The following SLC25A21 variants were observed in gnomAD, a reference collection of about 807,000 sequenced individuals.
SLC25A21 encodes the protein solute carrier family 25 member 21.
A neutral mutation model predicts 43.8 loss-of-function variants in SLC25A21; 47 were observed. That is an observed-to-expected ratio of 1.07 (90% CI 0.85 to 1.37). SLC25A21 has a LOEUF of 1.37. SLC25A21 is among the 40% of genes most tolerant of loss of function. SLC25A21 has a pLI of 0.00. For synonymous variants in SLC25A21, 131 were observed against 121.3 expected, an observed-to-expected ratio of 1.08 and a Z score of -0.52; for missense variants, 352 against 350.2, an observed-to-expected ratio of 1.00 and a Z score of -0.04.
rs757581881 is a variant in SLC25A21, at chr14:36,723,658, C to A, written c.438+1912G>T. Among the ~76,000 whole-genome samples, 7 of 152,324 alleles carry A rather than the reference C, an allele frequency of 4.6e-5. No homozygotes were observed. In the South Asian group the frequency reaches 1.5e-3, roughly 32 times the overall value. ...TGTTGGGCAGGAAGGGTGTTTATTG[C>A]ATTCTTGCAAGTCATTAGCACATAC... On this transcript the variant is annotated intron_variant, in intron 6 of 9. Transcript: ENST00000331299.
At chr14:36,838,205 G>A (rs1040964087) in intron 2 of SLC25A21, among the ~76,000 whole-genome samples, 6 of 152,282 alleles carry the variant, frequency 3.9e-5, no homozygotes, top group South Asian at 2.1e-4. Context: ...CTTTCTCCTC[G>A]GTGTGAGGAT....
At chr14:36,770,607 C>CATTTGTTG (rs1886584415) in intron 3 of SLC25A21, among the ~76,000 whole-genome samples, 1 of 152,088 alleles carries the variant, frequency 6.6e-6, no homozygotes, top group East Asian at 1.9e-4. Flanking sequence ...ATATACACAG[C>CATTTGTTG]ATTTGTTGTT....
chr14:37,020,359 C>A (rs1357891641), intron 1 of SLC25A21, among the ~76,000 whole-genome samples: 1 of 151,604 alleles, frequency 6.6e-6, no homozygotes, highest in Non-Finnish European at 1.5e-5. Flanking sequence ...AGCTTAATGA[C>A]TTGCAAAATA....
chr14:37,078,011 T>TA (rs1962314973), intron 1 of SLC25A21, among the ~76,000 whole-genome samples: 1 of 147,630 alleles, frequency 6.8e-6, no homozygotes, highest in South Asian at 2.4e-4. Flanking sequence ...CCTAATTTCT[T>TA]AAAATTTGAG....
chr14:36,994,130 T>C (rs1264989834), intron 1 of SLC25A21, among the ~76,000 whole-genome samples: 1 of 152,204 alleles, frequency 6.6e-6, no homozygotes, highest in African/African-American at 2.4e-5. Flanking sequence ...CTCTGAGTGA[T>C]GATTAGTAAA....
intron 3 of SLC25A21, among the ~76,000 whole-genome samples, chr14:36,744,318 T>A (rs927597886): frequency 2.6e-5 from 4 of 152,098 alleles, no homozygotes; most frequent in African/African-American, 9.7e-5. Flanking sequence ...CAAAACAGCA[T>A]GGCATTAGCA....
At chr14:36,715,156 T>C (rs1486693458) in intron 6 of SLC25A21, among the ~76,000 whole-genome samples, 1 of 152,206 alleles carries the variant, frequency 6.6e-6, no homozygotes, top group East Asian at 1.9e-4. Context: ...AGATGCATAA[T>C]AGTACAAATA....
chr14:37,105,655 T>G lies in SLC25A21; in HGVS notation c.70+66626A>C, dbSNP rs116907585. Among the ~76,000 whole-genome samples, 272 of 152,264 alleles carry G rather than the reference T, an allele frequency of 1.8e-3. 8 individuals carry two copies. The East Asian group carries it at 0.048, about 27-fold the overall frequency. ...GAAAGCAGATATCCTGAGTTAGTAA[T>G]ATTAAAATGAAGAAACCAAGTTATC... is the stretch of plus-strand genomic sequence containing the variant. On this transcript the variant is annotated intron_variant, in intron 1 of 9. Transcript: ENST00000331299.
At chr14:36,974,664 C>G (rs1178751337) in intron 1 of SLC25A21, among the ~76,000 whole-genome samples, 1 of 152,072 alleles carries the variant, frequency 6.6e-6, no homozygotes, top group African/African-American at 2.4e-5. Context: ...TTGATAATTA[C>G]TATATTATGT....
intron 3 of SLC25A21, among the ~76,000 whole-genome samples, chr14:36,813,018 A>G (rs964688885): frequency 6.6e-6 from 1 of 152,204 alleles, no homozygotes; most frequent in Non-Finnish European, 1.5e-5. Flanking sequence ...TTTTCTTATA[A>G]AAACAATTTC....
chr14:36,694,682 T>C (rs1882940450), intron 7 of SLC25A21, among the ~76,000 whole-genome samples: 1 of 152,262 alleles, frequency 6.6e-6, no homozygotes, highest in Non-Finnish European at 1.5e-5. Context: ...CATTTTTTCA[T>C]GTATCTGTTG....
chr14:36,950,992 T>G (rs1424795939), intron 1 of SLC25A21, among the ~76,000 whole-genome samples: 3 of 152,118 alleles, frequency 2.0e-5, no homozygotes, highest in Non-Finnish European at 2.9e-5. Context: ...ACACCCTCCA[T>G]TTCCTCAGCA....
chr14:37,068,083 T>A (rs752204143), intron 1 of SLC25A21, among the ~76,000 whole-genome samples: 78 of 152,236 alleles, frequency 5.1e-4, no homozygotes, highest in Non-Finnish European at 8.8e-4. Context: ...ACAGGAAACG[T>A]TTGCCAACCC....
chr14:37,110,908 G>A (rs568262970), intron 1 of SLC25A21, among the ~76,000 whole-genome samples: 11 of 151,364 alleles, frequency 7.3e-5, no homozygotes, highest in South Asian at 2.1e-4. Context: ...TTATTCTATC[G>A]CTCTAAAAAA....
intron 1 of SLC25A21, among the ~76,000 whole-genome samples, chr14:36,902,332 G>T (rs116833412): frequency 5.9e-5 from 9 of 152,108 alleles, no homozygotes; most frequent in African/African-American, 2.2e-4. Flanking sequence ...CCATCCCAGT[G>T]ATTACACAGG....
At chr14:37,035,813 T>G (rs1961314907) in intron 1 of SLC25A21, among the ~76,000 whole-genome samples, 1 of 152,214 alleles carries the variant, frequency 6.6e-6, no homozygotes, top group Non-Finnish European at 1.5e-5. Context: ...AAAGGAAGAA[T>G]TACCCATGTT....
intron 1 of SLC25A21, among the ~76,000 whole-genome samples, chr14:36,966,776 T>C (rs1959626405): frequency 6.6e-6 from 1 of 152,180 alleles, no homozygotes; most frequent in Admixed American, 6.5e-5. Flanking sequence ...AAAACAAATG[T>C]TTCTACATGG....
intron 3 of SLC25A21, among the ~76,000 whole-genome samples, chr14:36,747,500 T>G (rs1232017713): frequency 6.6e-6 from 1 of 152,178 alleles, no homozygotes; most frequent in Non-Finnish European, 1.5e-5. Context: ...AGGGCTAACA[T>G]GACGGCAGCT....
chr14:36,825,473 T>C (rs999001941), intron 2 of SLC25A21, among the ~76,000 whole-genome samples: 33 of 152,284 alleles, frequency 2.2e-4, no homozygotes, highest in African/African-American at 6.3e-4. Flanking sequence ...AACTTGTCCA[T>C]AGAACTTGAA....
Sources: allele counts gnomAD v4.1 joint callset (sites outside exome capture counted in the v4.1 genomes callset), GRCh38; gene constraint gnomAD v4.1.1; transcripts MANE v1.5; gene names NCBI Gene and HGNC (gene_info 2026-07-23, HGNC 2026-07-21).